THSD7B: variants seen among roughly 807,000 people sequenced by gnomAD.
THSD7B encodes the protein thrombospondin type-1 domain-containing protein 7B.
THSD7B carries 138 observed loss-of-function variants against 213.6 expected under a neutral mutation model. The observed-to-expected ratio is 0.65, with a 90% CI of 0.56 to 0.74. THSD7B has a LOEUF of 0.74. Among genes scored for constraint, THSD7B ranks in the 30% least tolerant of loss-of-function variants. The pLI is 0.00. For synonymous variants in THSD7B, 742 were observed against 687.0 expected (o/e 1.08, Z -1.25); for missense variants, 1,931 against 1,991.5 (o/e 0.97, Z 0.58).
intron 2 of THSD7B, among the ~76,000 whole-genome samples, chr2:137,027,932 A>G (rs1338919789): frequency 4.6e-5 from 7 of 152,182 alleles, no homozygotes; most frequent in Non-Finnish European, 1.5e-5. Flanking sequence ...CTCATGAAGT[A>G]AGGACTAAAT....
At chr2:137,317,429 C>G (rs1684141424) in intron 12 of THSD7B, among the ~76,000 whole-genome samples, 1 of 152,174 alleles carries the variant, frequency 6.6e-6, no homozygotes, top group Non-Finnish European at 1.5e-5. Context: ...GGTAACTGGA[C>G]TATCTATTTT....
At chr2:137,168,428 G>A (rs2104992513) in intron 6 of THSD7B, among the ~76,000 whole-genome samples, 1 of 152,300 alleles carries the variant, frequency 6.6e-6, no homozygotes, top group South Asian at 2.1e-4. Context: ...TGTGATTAAA[G>A]TTAAGTGCTA....
chr2:137,606,430 G>C (rs967588693), intron 17 of THSD7B, among the ~76,000 whole-genome samples: 2 of 152,106 alleles, frequency 1.3e-5, no homozygotes, highest in Admixed American at 6.6e-5. Context: ...TTCTTTGGTG[G>C]AAGAAGAAAG....
chr2:137,246,765 C>CTT (rs70978210), intron 10 of THSD7B, among the ~76,000 whole-genome samples: 12 of 146,036 alleles, frequency 8.2e-5, no homozygotes, highest in African/African-American at 2.2e-4. Context: ...TTCCTTTGTA[C>CTT]TTTTTTTTTT....
chr2:137,176,085 T>TA (rs1175359262), intron 7 of THSD7B, among the ~76,000 whole-genome samples: 1 of 152,194 alleles, frequency 6.6e-6, no homozygotes, highest in African/African-American at 2.4e-5. Context: ...TATTTTAGTA[T>TA]AATATTTATT....
chr2:137,307,322 T>A (rs537430409), intron 12 of THSD7B, among the ~76,000 whole-genome samples: 1 of 152,080 alleles, frequency 6.6e-6, no homozygotes, highest in South Asian at 2.1e-4. Flanking sequence ...CAGACCCCCA[T>A]CAGTCAGGGT....
chr2:137,287,703 T>G (rs1376131186), intron 12 of THSD7B, among the ~76,000 whole-genome samples: 1 of 152,086 alleles, frequency 6.6e-6, no homozygotes, highest in African/African-American at 2.4e-5. Context: ...AGTAACCCTT[T>G]CTTGTACCTC....
chr2:136,907,465 A>C (rs1438231337), intron 2 of THSD7B, among the ~76,000 whole-genome samples: 1 of 152,204 alleles, frequency 6.6e-6, no homozygotes, highest in Admixed American at 6.5e-5. Context: ...AGATCTGTGA[A>C]AGTGGATACA....
At chr2:137,377,790 C>T (rs923570503) in intron 12 of THSD7B, among the ~76,000 whole-genome samples, 5 of 152,108 alleles carry the variant, frequency 3.3e-5, no homozygotes, top group African/African-American at 1.2e-4. Flanking sequence ...CCATGCCTGG[C>T]TAATTTTTGT....
intron 26 of THSD7B, among the ~76,000 whole-genome samples, chr2:137,663,954 C>T (rs573854296): frequency 1.7e-3 from 257 of 152,204 alleles, no homozygotes; most frequent in African/African-American, 5.6e-3. Flanking sequence ...CAGGTTCAAG[C>T]GATTCTCCTG....
At chr2:137,474,204 C>T (rs1189724222) in intron 15 of THSD7B, among the ~76,000 whole-genome samples, 2 of 152,116 alleles carry the variant, frequency 1.3e-5, no homozygotes, top group East Asian at 3.9e-4. Context: ...TCAAATTGCT[C>T]CTCAATTTTC....
At chr2:136,823,093 G>C (rs1235370416) in intron 1 of THSD7B, among the ~76,000 whole-genome samples, 1 of 152,192 alleles carries the variant, frequency 6.6e-6, no homozygotes, top group Non-Finnish European at 1.5e-5. Context: ...TTTCTGGTTA[G>C]TTGGTTGGTT....
chr2:137,606,984 A>G (rs746740127), intron 17 of THSD7B, among the ~76,000 whole-genome samples: 2 of 152,158 alleles, frequency 1.3e-5, no homozygotes, highest in Middle Eastern at 3.2e-3. Flanking sequence ...CAGTTCACAA[A>G]AGATGCTCCC....
At position 136,769,934 on chromosome 2, in the gene THSD7B, G is replaced by A. The variant is rs1350668038; in HGVS notation, c.-36+4247G>A. Among the ~76,000 whole-genome samples, 4 of 152,144 alleles carry A rather than the reference G, an allele frequency of 2.6e-5. No individual in the cohort carries two copies. In the East Asian group the frequency reaches 7.7e-4, roughly 29 times the overall value. ...GCCTTTCTGGGCATATTTTAATTAT[G>A]AGCCTCTTGTAATTAAACATGCCAT... On this transcript the variant is annotated intron_variant, in intron 1 of 27. Coordinates refer to ENST00000409968, the MANE Select transcript of THSD7B (RefSeq NM_001316349.2).
intron 14 of THSD7B, among the ~76,000 whole-genome samples, chr2:137,443,484 C>T (rs1687463296): frequency 6.6e-6 from 1 of 152,074 alleles, no homozygotes; most frequent in African/African-American, 2.4e-5. Flanking sequence ...TACTTGATTA[C>T]ATACCACATT....
intron 15 of THSD7B, among the ~76,000 whole-genome samples, chr2:137,535,843 C>T (rs745357582): frequency 8.6e-5 from 13 of 151,360 alleles, no homozygotes; most frequent in East Asian, 2.0e-4. Flanking sequence ...GGGGATGCTG[C>T]GGAGGCCTCA....
intron 12 of THSD7B, among the ~76,000 whole-genome samples, chr2:137,325,167 T>TTTTTTGGTTTTG (rs1553439473): frequency 1.3e-5 from 2 of 151,680 alleles, no homozygotes; most frequent in Non-Finnish European, 2.9e-5. Context: ...TGTTTTTTGT[T>TTTTTTGGTTTTG]TTTTTGTTTT....
intron 1 of THSD7B, among the ~76,000 whole-genome samples, chr2:136,835,443 G>A (rs1197753591): frequency 1.3e-5 from 2 of 152,160 alleles, no homozygotes; most frequent in South Asian, 2.1e-4. Context: ...TAGCAATATT[G>A]ATGATGCAAA....
At chr2:137,434,927 C>G (rs567676801) in intron 14 of THSD7B, among the ~76,000 whole-genome samples, 1 of 152,138 alleles carries the variant, frequency 6.6e-6, no homozygotes, top group South Asian at 2.1e-4. Context: ...TAATCGTTTG[C>G]CAAGAGGCTC....
Sources: allele counts gnomAD v4.1 joint callset (sites outside exome capture counted in the v4.1 genomes callset), GRCh38; gene constraint gnomAD v4.1.1; transcripts MANE v1.5; gene names NCBI Gene and HGNC (gene_info 2026-07-23, HGNC 2026-07-21).